HSD17B1: variants seen among roughly 807,000 people sequenced by gnomAD.
HSD17B1 encodes the protein 17-beta-hydroxysteroid dehydrogenase type 1.
HSD17B1 carries 16 observed loss-of-function variants against 22.7 expected under a neutral mutation model. That is an observed-to-expected ratio of 0.71 (90% CI 0.48 to 1.07). The LOEUF (loss-of-function observed/expected upper bound fraction) is 1.07, where lower values mean the gene tolerates loss of function less well. Among genes scored for constraint, HSD17B1 ranks in the 50% least tolerant of loss-of-function variants. HSD17B1 has a pLI of 0.00. For missense variants in HSD17B1, 533 were observed against 459.9 expected (o/e 1.16, Z -1.45); for synonymous variants, 243 against 211.0 (o/e 1.15, Z -1.31).
In HSD17B1 at chr17:42,553,853, A is replaced by T; in HGVS notation, c.505A>T (p.Ser169Cys). Residue 169 changes from serine to cysteine, a missense_variant, in exon 4 of 6, where the codon AGT becomes TGT. Coordinates refer to ENST00000585807, the MANE Select transcript of HSD17B1 (RefSeq NM_000413.4). Reference sequence around the variant, plus strand: ...GTTCGCGCTCGAAGGCTTATGCGAGAGTCTGGCGGTTCTGCTGCTGCCCTT... The same window carrying T: ...GTTCGCGCTCGAAGGCTTATGCGAGTGTCTGGCGGTTCTGCTGCTGCCCTT... ...SKFALEGLCESLAVLLLPFGV... is the reference protein window; with the variant it reads ...SKFALEGLCECLAVLLLPFGV... The T allele has an allele frequency of 6.2e-7, 1 of 1,613,392 alleles. No individual in the cohort carries two copies. The highest frequency in any genetic ancestry group is 1.7e-4 in the Middle Eastern group (1 of 6,060).
chr17:42,554,035 G>A, intron 4 of HSD17B1, 148 bp downstream of exon 4: 2 of 732,100 alleles, frequency 2.7e-6, no homozygotes, highest in Non-Finnish European at 4.7e-6. Context: ...TGGGCTGGGC[G>A]CATGGCACGC....
chr17:42,553,428 T>C lies in HSD17B1; in HGVS notation c.266-11T>C, dbSNP rs1175411896. On this transcript the variant is annotated splice_polypyrimidine_tract_variant and intron_variant, in intron 2 of 5. Coordinates refer to ENST00000585807, the MANE Select transcript of HSD17B1 (RefSeq NM_000413.4). ...GCTGAGGCGGGCTGGTCGGGCCTCT[T>C]GTCTCCGCAGTGTGTAACGCAGGCC... is the stretch of plus-strand genomic sequence containing the variant. The C allele has an allele frequency of 3.1e-6, 5 of 1,611,350 alleles. No homozygotes were observed. In the African/African-American group the frequency reaches 6.7e-5, roughly 22 times the overall value.
chr17:42,555,002 G>A lies in HSD17B1; in HGVS notation c.*64G>A. The A allele has an allele frequency of 7.1e-7, 1 of 1,412,072 alleles. No individual in the cohort carries two copies. The highest frequency in any genetic ancestry group is 1.5e-5 in the South Asian group (1 of 64,980). The allele number at this position is 1,412,072 out of a possible 1,614,324, so 87.5% of individuals were successfully genotyped here. On this transcript the variant is annotated 3_prime_UTR_variant, in exon 6 of 6. Transcript: ENST00000585807. ...CCCCTGGGTCTGTGTGGTCCCTGGG[G>A]ATGGGGCGGCGGTAGCAGCTGTGGG...
rs753619743 is a variant in HSD17B1, at chr17:42,553,269, T to C, written c.243T>C (p.Thr81=). The C allele has an allele frequency of 6.8e-6, 11 of 1,610,264 alleles. No homozygotes were observed. The highest frequency in any genetic ancestry group is 3.3e-5 in the Admixed American group (2 of 60,006). The change falls in exon 2 of 6, where the codon ACT becomes ACC. Residue 81 remains threonine (T), a synonymous_variant. Coordinates refer to ENST00000585807, the MANE Select transcript of HSD17B1 (RefSeq NM_000413.4). ...TGGCCGCTGCCCGGGAACGCGTGAC[T>C]GAGGGCCGCGTGGACGTGCTGGGTG... The part of the protein sequence containing the change: ...KSVAAARERV[T]EGRVDVLVCN...
intron 2 of HSD17B1, 27 bp from the exon 3 acceptor site, chr17:42,553,412 G>A (rs1261826614): frequency 1.9e-6 from 3 of 1,609,584 alleles, no homozygotes; most frequent in Middle Eastern, 1.6e-4. Context: ...TGCTGAGGCG[G>A]GCTGGTCGGG....
At chr17:42,553,369 G>C (rs1336075106) in intron 2 of HSD17B1, 70 bp from the exon 3 acceptor site, 32 of 1,603,818 alleles carry the variant, frequency 2.0e-5, no homozygotes, top group Non-Finnish European at 2.6e-5. Flanking sequence ...CCAGGCCCAG[G>C]GAGCACGAGG....
Position 42,554,886 on chromosome 17 carries a change from G to A in HSD17B1, c.935G>A (p.Arg312His), listed in dbSNP as rs1478289703. ...AGPGAEDEAG[R>H]GAVGDPELGD... ...CCTGGGGCAGAGGACGAGGCCGGGC[G>A]CGGTGCGGTGGGGGACCCTGAGCTC... The change falls in exon 6 of 6, where the codon CGC (arginine) becomes CAC (histidine). Residue 312 changes from arginine (R) to histidine (H), a missense_variant. Arg to His is a conservative substitution (Grantham distance 29). Coordinates refer to ENST00000585807, the MANE Select transcript of HSD17B1 (RefSeq NM_000413.4). The A allele has an allele frequency of 6.5e-7, 1 of 1,547,256 alleles. No individual in the cohort carries two copies. Among genetic ancestry groups the A allele is most frequent in the African/African-American group, 1.4e-5 (1 of 73,448 alleles).
chr17:42,552,964 T>C lies in HSD17B1; in HGVS notation c.31T>C (p.Cys11Arg). The change falls in exon 1 of 6, where the codon TGT becomes CGT. Residue 11 changes from cysteine (C) to arginine (R), a missense_variant. Cys to Arg is a radical substitution (Grantham distance 180, BLOSUM62 -3). Transcript: ENST00000585807. ...CCGCACCGTGGTGCTCATCACCGGC[T>C]GTTCCTCGGGCATCGGCCTGCACTT... The part of the protein sequence containing the change: MARTVVLITG[C>R]SSGIGLHLAV... The C allele has an allele frequency of 6.2e-7, 1 of 1,614,174 alleles. No individual in the cohort carries two copies. The highest frequency in any genetic ancestry group is 8.5e-7 in the Non-Finnish European group (1 of 1,180,028).
rs1224267489 is a variant in HSD17B1 at position 42,554,727 on chromosome 17, G to A, written c.776G>A (p.Arg259His). ...KPTLRYFTTE[R>H]FLPLLRMRLD... ...ACCCTGCGCTACTTCACCACCGAGC[G>A]CTTCCTGCCCCTGCTGCGGATGCGC... The change falls in exon 6 of 6, where the codon CGC becomes CAC. Residue 259 changes from arginine to histidine, a missense_variant. Physicochemically the swap from Arg to His is conservative, Grantham distance 29. Coordinates refer to ENST00000585807, the MANE Select transcript of HSD17B1 (RefSeq NM_000413.4). 1.4e-5 allele frequency: 23 copies of A among 1,603,568 alleles called. No homozygotes were observed. The highest frequency in any genetic ancestry group is 1.9e-5 in the Non-Finnish European group (22 of 1,179,746).
At chr17:42,554,359 C>T in intron 4 of HSD17B1, 46 bp from the exon 5 acceptor site, 1 of 1,537,066 alleles carries the variant, frequency 6.5e-7, no homozygotes, top group South Asian at 1.2e-5. Flanking sequence ...GGACTGGGGC[C>T]TGGCTGGCGT....
intron 4 of HSD17B1, 111 bp downstream of exon 4, chr17:42,553,998 G>A: frequency 1.1e-6 from 1 of 946,484 alleles, no homozygotes. Flanking sequence ...TCTCTGCCCG[G>A]CTCACATTAG....
Position 42,553,582 on chromosome 17 carries a change from C to G in HSD17B1, c.409C>G (p.Arg137Gly), listed in dbSNP as rs150450030. The change falls in exon 3 of 6, where the codon CGC becomes GGC. Residue 137 changes from arginine (R) to glycine (G), a missense_variant. Transcript: ENST00000585807. ...LPDMKRRGSG[R>G]VLVTGSVGGL... Reference sequence around the variant, plus strand: ...AGACATGAAGAGGCGCGGTTCGGGACGCGTGTTGGTGACCGGGAGCGTGGG... The same window carrying G: ...AGACATGAAGAGGCGCGGTTCGGGAGGCGTGTTGGTGACCGGGAGCGTGGG... 2.5e-6 allele frequency: 4 copies of G among 1,611,808 alleles called. No individual in the cohort carries two copies. The highest frequency in any genetic ancestry group is 1.7e-5 in the Admixed American group (1 of 59,982).
Position 42,554,766 on chromosome 17 carries a change from G to A in HSD17B1, c.815G>A (p.Ser272Asn), listed in dbSNP as rs774677459. The A allele has an allele frequency of 3.7e-6, 6 of 1,603,600 alleles. No individual in the cohort carries two copies. The highest frequency in any genetic ancestry group is 1.7e-5 in the Admixed American group (1 of 59,986). The change falls in exon 6 of 6, where the codon AGC (serine) becomes AAC (asparagine). Residue 272 changes from serine (S) to asparagine (N), a missense_variant. Coordinates refer to ENST00000585807, the MANE Select transcript of HSD17B1 (RefSeq NM_000413.4). ...CTGCGGATGCGCCTGGACGACCCCAGCGGCTCCAACTACGTCACCGCCATG... is the reference window on the plus strand; with the variant it reads ...CTGCGGATGCGCCTGGACGACCCCAACGGCTCCAACTACGTCACCGCCATG... ...PLLRMRLDDP[S>N]GSNYVTAMHR...
In HSD17B1 at chr17:42,554,411, C is replaced by T; in HGVS notation, c.546C>T (p.Ser182=). The T allele has an allele frequency of 1.2e-6, 2 of 1,605,974 alleles. No individual in the cohort carries two copies. Among genetic ancestry groups the T allele is most frequent in the Non-Finnish European group, 1.7e-6 (2 of 1,175,210 alleles). ...VLLLPFGVHL[S]LIECGPVHTA... is the part of the protein sequence containing the mutation. ...GTTGCTCTCCGGCCAGCAGCTTGAG[C>T]CTGATCGAGTGCGGCCCAGTGCACA... is the stretch of plus-strand genomic sequence containing the variant. The change falls in exon 5 of 6, where the codon AGC becomes AGT. Residue 182 remains serine (S), a synonymous_variant. Coordinates refer to ENST00000585807, the MANE Select transcript of HSD17B1 (RefSeq NM_000413.4).
intron 4 of HSD17B1, chr17:42,554,126 G>A (rs2092954283): frequency 1.6e-6 from 1 of 636,102 alleles, no homozygotes; most frequent in East Asian, 2.7e-5. Context: ...TAGGTGACTG[G>A]CCCAAGGTCA....
rs759965315 is a variant in HSD17B1, at chr17:42,554,850, G to T, written c.899G>T (p.Gly300Val). The T allele has an allele frequency of 1.1e-5, 17 of 1,587,222 alleles. No homozygotes were observed. In the South Asian group the frequency reaches 1.7e-4, roughly 16 times the overall value. The change falls in exon 6 of 6, where the codon GGC becomes GTC. Residue 300 changes from glycine (G) to valine (V), a missense_variant. Gly to Val is a moderately radical substitution (Grantham distance 109, BLOSUM62 -3). Transcript: ENST00000585807. ...AKAEAGAEAG[G>V]GAGPGAEDEA... ...GCCGAGGCTGGGGCCGAGGCTGGGG[G>T]CGGGGCCGGGCCTGGGGCAGAGGAC... is the stretch of plus-strand genomic sequence containing the variant.
rs1443330099 is a variant in HSD17B1, at chr17:42,554,103, A to G, written c.539+216A>G. ...GTTGGTATTGTTATGGGGAAGCTCC[A>G]GCCCAGAGAGGTTAGGTGACTGGCC... On this transcript the variant is annotated intron_variant, in intron 4 of 5. Coordinates refer to ENST00000585807, the MANE Select transcript of HSD17B1 (RefSeq NM_000413.4). 30 of 640,996 alleles carry G rather than the reference A, an allele frequency of 4.7e-5. 1 individual carries two copies. Among genetic ancestry groups the G allele is most frequent in the Non-Finnish European group, 7.9e-5 (29 of 367,318 alleles). 39.7% of individuals were successfully genotyped at this position (640,996 alleles called of 1,614,324 possible). A position where few individuals can be genotyped will look rare whatever the true frequency, so the allele number is the denominator to read the frequency against.
At chr17:42,553,979 C>A in intron 4 of HSD17B1, 92 bp downstream of exon 4, 1 of 1,121,748 alleles carries the variant, frequency 8.9e-7, no homozygotes, top group Non-Finnish European at 1.3e-6. Context: ...GGGGCGATCT[C>A]CCTGGCCCTC....
At chr17:42,553,365 C>T in intron 2 of HSD17B1, 74 bp downstream of exon 2, 1 of 1,604,060 alleles carries the variant, frequency 6.2e-7, no homozygotes, top group Non-Finnish European at 8.5e-7. Context: ...GTTCCCAGGC[C>T]CAGGGAGCAC....
Sources: allele counts gnomAD v4.1 joint callset, GRCh38; gene constraint gnomAD v4.1.1; transcripts MANE v1.5; gene names NCBI Gene and HGNC (gene_info 2026-07-23, HGNC 2026-07-21).